The following ANKS1A variants were observed in gnomAD, a reference collection of about 807,000 sequenced individuals.
ANKS1A encodes the protein ankyrin repeat and SAM domain-containing protein 1A.
ANKS1A carries 55 observed loss-of-function variants against 120.3 expected under a neutral mutation model. The observed-to-expected ratio is 0.46, with a 90% confidence interval of 0.37 to 0.57. The LOEUF is 0.57. Ranked by LOEUF, ANKS1A falls within the 20% of genes least tolerant of loss-of-function variation. The pLI, the probability that ANKS1A is intolerant of heterozygous loss-of-function variation, is 0.00. For synonymous variants in ANKS1A, 590 were observed against 604.7 expected, an observed-to-expected ratio of 0.98 and a Z score of 0.36; for missense variants, 1,123 against 1,480.3, an observed-to-expected ratio of 0.76 and a Z score of 3.96.
intron 1 of ANKS1A, among the ~76,000 whole-genome samples, chr6:34,931,150 C>CTTTT (rs71538282): frequency 7.4e-6 from 1 of 134,766 alleles, no homozygotes; most frequent in Non-Finnish European, 1.6e-5. Context: ...AGGCTGTTTT[C>CTTTT]TTTTTTTTTT....
chr6:34,997,421 C>T (rs967975965), intron 10 of ANKS1A, among the ~76,000 whole-genome samples: 1 of 152,052 alleles, frequency 6.6e-6, no homozygotes, highest in Admixed American at 6.6e-5. Flanking sequence ...ATCTCGAACT[C>T]CTGAACTCAG....
At chr6:34,898,647 TA>T (rs1370393612) in intron 1 of ANKS1A, among the ~76,000 whole-genome samples, 1 of 152,110 alleles carries the variant, frequency 6.6e-6, no homozygotes, top group Non-Finnish European at 1.5e-5. Context: ...AAGAAGAAAA[TA>T]AAATCAGTTA....
chr6:34,909,757 A>G (rs1767817907), intron 1 of ANKS1A, among the ~76,000 whole-genome samples: 1 of 152,222 alleles, frequency 6.6e-6, no homozygotes, highest in African/African-American at 2.4e-5. Flanking sequence ...GGCTGGGGAA[A>G]TGTTCCTCCC....
rs375173305 is a variant in ANKS1A, at chr6:34,941,144, C to T, written c.198-26095C>T. Among the ~76,000 whole-genome samples the T allele has an allele frequency of 1.5e-4, 23 of 151,938 alleles. No homozygotes were observed. In the East Asian group the frequency reaches 3.5e-3, roughly 23 times the overall value. On this transcript the variant is annotated intron_variant, in intron 1 of 23. Coordinates refer to ENST00000360359, the MANE Select transcript of ANKS1A (RefSeq NM_015245.3). ...GTGGGATCACAGGCGTGTGCCACCA[C>T]GCCCGGCTAATTTTTGTATTTTTAG...
At chr6:34,981,650 C>T (rs923866980) in intron 3 of ANKS1A, 40 bp from the exon 4 acceptor site, 3 of 1,593,854 alleles carry the variant, frequency 1.9e-6, no homozygotes, top group Non-Finnish European at 2.6e-6. Context: ...GCCTGTCTGC[C>T]AGTGACCTTT....
chr6:35,077,491 G>C (rs1256944559), intron 13 of ANKS1A, among the ~76,000 whole-genome samples: 3 of 152,262 alleles, frequency 2.0e-5, no homozygotes, highest in Non-Finnish European at 2.9e-5. Context: ...GCACAGGCCT[G>C]TCTGTGCCCA....
In ANKS1A at chr6:34,989,732, T is replaced by A. The variant is rs138459835; in HGVS notation, c.1302+416T>A. On this transcript the variant is annotated intron_variant, in intron 9 of 23. Coordinates refer to ENST00000360359, the MANE Select transcript of ANKS1A (RefSeq NM_015245.3). ...TTCCTGTTTTTGTATTTTTTCCTGT[T>A]CGTTTCACATGAAGACTCTACACCA... 7.3e-3 allele frequency among the ~76,000 whole-genome samples: 1,118 copies of A among 152,256 alleles called. 21 individuals carry two copies. The highest frequency in any genetic ancestry group is 0.026 in the African/African-American group (1,062 of 41,534).
chr6:34,909,267 G>T (rs751217145), intron 1 of ANKS1A, among the ~76,000 whole-genome samples: 1 of 152,096 alleles, frequency 6.6e-6, no homozygotes, highest in Non-Finnish European at 1.5e-5. Flanking sequence ...AAATTCTCCC[G>T]TAAAACACAG....
chr6:35,028,922 A>G (rs1417480858), intron 11 of ANKS1A, among the ~76,000 whole-genome samples: 2 of 152,258 alleles, frequency 1.3e-5, no homozygotes, highest in African/African-American at 4.8e-5. Context: ...AGATGTTTCT[A>G]GAAACTGAAC....
chr6:34,903,915 C>G (rs1302970209), intron 1 of ANKS1A, among the ~76,000 whole-genome samples: 1 of 152,202 alleles, frequency 6.6e-6, no homozygotes, highest in Admixed American at 6.5e-5. Flanking sequence ...GCCTTGAACT[C>G]TTGGCCTCAA....
intron 1 of ANKS1A, among the ~76,000 whole-genome samples, chr6:34,893,201 C>A (rs924433964): frequency 6.6e-6 from 1 of 152,194 alleles, no homozygotes; most frequent in African/African-American, 2.4e-5. Context: ...ACCATAATTC[C>A]TGGCATATTC....
chr6:35,063,921 TG>T (rs1300374326), intron 13 of ANKS1A, among the ~76,000 whole-genome samples: 2 of 152,206 alleles, frequency 1.3e-5, no homozygotes, highest in Non-Finnish European at 2.9e-5. Flanking sequence ...CTCGAACCTC[TG>T]GGTTCTGCTG....
chr6:35,080,283 C>A (rs113714020), intron 16 of ANKS1A, among the ~76,000 whole-genome samples: 8 of 152,194 alleles, frequency 5.3e-5, no homozygotes, highest in African/African-American at 1.9e-4. Flanking sequence ...AATCTGAGTT[C>A]GAATTCCCAG....
In ANKS1A at chr6:35,079,554, C is replaced by T. The variant is rs766634458; in HGVS notation, c.2322C>T (p.Ser774=). Residue 774 remains serine, a synonymous_variant, in exon 15 of 24, where the codon AGC becomes AGT. Transcript: ENST00000360359. ...GTTATGACGGGAACAGCCCCCCTAG[C>T]GTGCCCTCCTGGCTGGACTCCCTGG... ...ALGYDGNSPP[S]VPSWLDSLGL... 44 of 1,613,934 alleles carry T rather than the reference C, an allele frequency of 2.7e-5. No homozygotes were observed. Among genetic ancestry groups the T allele is most frequent in the African/African-American group, 4.0e-5 (3 of 74,926 alleles).
chr6:35,049,334 G>A (rs998170010), intron 11 of ANKS1A, among the ~76,000 whole-genome samples: 14 of 152,172 alleles, frequency 9.2e-5, no homozygotes, highest in Admixed American at 1.3e-4. Context: ...ATTTGTCATC[G>A]AACACCACCA....
chr6:35,009,944 T>A (rs1366284755), intron 10 of ANKS1A: 2 of 256,802 alleles, frequency 7.8e-6, no homozygotes, highest in Non-Finnish European at 1.5e-5. Context: ...AGTCCATTGC[T>A]GAGAGACGAG....
Position 35,090,340 on chromosome 6 carries a change from A to G in ANKS1A, c.*1731A>G, listed in dbSNP as rs707968. The G allele has an allele frequency of 0.68, 863,515 of 1,276,136 alleles. 293,038 individuals are homozygous for G. Among genetic ancestry groups the G allele is most frequent in the Middle Eastern group, 0.81 (3,325 of 4,086 alleles). The allele number at this position is 1,276,136 out of a possible 1,614,324, so 79.1% of individuals were successfully genotyped here. ...AGAGTAGACTGCGCTGCCACTGCGC[A>G]CATGCTGGTGCCCGTCTTCCTCCTA... On this transcript the variant is annotated 3_prime_UTR_variant, in exon 24 of 24. Coordinates refer to ENST00000360359, the MANE Select transcript of ANKS1A (RefSeq NM_015245.3).
rs115830176 is a variant in ANKS1A, at chr6:34,925,138, C to T, written c.197+35539C>T. Among the ~76,000 whole-genome samples, 341 of 152,200 alleles carry T rather than the reference C, an allele frequency of 2.2e-3. 1 individual carries two copies. The highest frequency in any genetic ancestry group is 7.7e-3 in the African/African-American group (318 of 41,536). ...ATTCACCTTACTGGTCTGTATTAGC[C>T]GTAGTTTCATATTAACATCTTGTTT... is the stretch of plus-strand genomic sequence containing the variant. On this transcript the variant is annotated intron_variant, in intron 1 of 23. Transcript: ENST00000360359.
At chr6:35,052,509 C>CGTCTTAGCTATTCAGGA (rs532315173) in intron 11 of ANKS1A, among the ~76,000 whole-genome samples, 2 of 145,838 alleles carry the variant, frequency 1.4e-5, no homozygotes, top group African/African-American at 2.5e-5. Flanking sequence ...CTGTCGTCGT[C>CGTCTTAGCTATTCAGGA]GTCTTAGCTA....
Sources: allele counts gnomAD v4.1 joint callset (sites outside exome capture counted in the v4.1 genomes callset), GRCh38; gene constraint gnomAD v4.1.1; transcripts MANE v1.5; gene names NCBI Gene and HGNC (gene_info 2026-07-23, HGNC 2026-07-21).